MAGI1: variants seen among roughly 807,000 people sequenced by gnomAD.
MAGI1 encodes membrane-associated guanylate kinase, WW and PDZ domain-containing protein 1.
MAGI1 carries 58 observed loss-of-function variants against 139.9 expected under a neutral mutation model. The observed-to-expected ratio is 0.41, with a 90% confidence interval of 0.34 to 0.52. The LOEUF (loss-of-function observed/expected upper bound fraction) is 0.52. Among genes scored for constraint, MAGI1 ranks in the 20% least tolerant of loss-of-function variants. The pLI, the probability that MAGI1 is intolerant of heterozygous loss-of-function variation, is 0.12. For missense variants in MAGI1, 1,874 were observed against 1,901.6 expected (o/e 0.99, Z 0.27); for synonymous variants, 812 against 737.9 (o/e 1.10, Z -1.63).
At chr3:65,359,393 A>C in intron 22 of MAGI1, 1 of 1,281,112 alleles carries the variant, frequency 7.8e-7, no homozygotes. Flanking sequence ...GTGACTCGAG[A>C]ACCCAGACAA....
chr3:65,724,910 G>A (rs2033434791), intron 1 of MAGI1, among the ~76,000 whole-genome samples: 1 of 151,998 alleles, frequency 6.6e-6, no homozygotes, highest in South Asian at 2.1e-4. Context: ...CTCCCACTGG[G>A]TCCCTCCCAC....
chr3:65,469,983 T>A (rs559345864), intron 5 of MAGI1: 1 of 148,662 alleles, frequency 6.7e-6, no homozygotes, highest in African/African-American at 2.4e-5. Flanking sequence ...TAAAAATATA[T>A]TTATTTTTAA....
intron 2 of MAGI1, among the ~76,000 whole-genome samples, chr3:65,536,353 A>G (rs1024293893): frequency 2.0e-5 from 3 of 152,198 alleles, no homozygotes; most frequent in Non-Finnish European, 4.4e-5. Context: ...TATGAATGAA[A>G]ATAAAAAGTG....
intron 1 of MAGI1, among the ~76,000 whole-genome samples, chr3:66,019,149 G>A (rs1292395947): frequency 2.0e-5 from 3 of 152,176 alleles, no homozygotes; most frequent in African/African-American, 7.2e-5. Context: ...ATAATAGGCA[G>A]GCTAACTTCA....
At chr3:65,843,457 A>C (rs976508568) in intron 1 of MAGI1, among the ~76,000 whole-genome samples, 2 of 152,202 alleles carry the variant, frequency 1.3e-5, no homozygotes, top group African/African-American at 2.4e-5. Context: ...AGAAACAAGG[A>C]AATGCTCAAT....
chr3:65,567,149 G>A (rs985252853), intron 2 of MAGI1, among the ~76,000 whole-genome samples: 1 of 152,134 alleles, frequency 6.6e-6, no homozygotes, highest in Non-Finnish European at 1.5e-5. Context: ...CACTCATAAT[G>A]TTAAGACCTC....
At chr3:65,861,108 G>T (rs1420083343) in intron 1 of MAGI1, among the ~76,000 whole-genome samples, 1 of 152,104 alleles carries the variant, frequency 6.6e-6, no homozygotes, top group African/African-American at 2.4e-5. Context: ...TGGGGCCAGG[G>T]ACACACTCAA....
intron 1 of MAGI1, among the ~76,000 whole-genome samples, chr3:65,670,479 G>T (rs958089574): frequency 4.6e-5 from 7 of 151,580 alleles, no homozygotes; most frequent in Non-Finnish European, 7.4e-5. Flanking sequence ...AAATTTAGAG[G>T]TTGCTCTCAA....
intron 2 of MAGI1, among the ~76,000 whole-genome samples, chr3:65,543,819 T>C (rs2079368636): frequency 6.6e-6 from 1 of 151,878 alleles, no homozygotes; most frequent in Non-Finnish European, 1.5e-5. Context: ...GGTTGATGGG[T>C]GCAGCAAACC....
chr3:65,430,125 C>CT lies in MAGI1; in HGVS notation c.1561dup (p.Ser521LysfsTer4). 6.2e-7 allele frequency: 1 copy of CT among 1,612,748 alleles called. No individual in the cohort carries two copies. The highest frequency in any genetic ancestry group is 8.5e-7 in the Non-Finnish European group (1 of 1,178,960). On this transcript the variant is annotated frameshift_variant, in exon 12 of 23. Coordinates refer to ENST00000402939, the MANE Select transcript of MAGI1 (RefSeq NM_001033057.2). LOFTEE classifies it high-confidence loss of function. ...TCCCAAAACACAGGTGTCATTCACA[C>CT]TTACAATCACATCCCCTGTAGAAGG... is the stretch of plus-strand genomic sequence containing the variant.
rs572007195 is a variant in MAGI1, at chr3:65,475,018, A to C, written c.757+3574T>G. ...GCTCTTATAGAAATGATTATCTCTT[A>C]ACTTTCCAAAGCAATGCTTTATCAC... On this transcript the variant is annotated intron_variant, in intron 4 of 22. Transcript: ENST00000402939. Among the ~76,000 whole-genome samples the C allele has an allele frequency of 2.6e-5, 4 of 152,270 alleles. No homozygotes were observed. The East Asian group carries it at 5.8e-4, about 22-fold the overall frequency.
chr3:65,762,455 G>A (rs964265464), intron 1 of MAGI1, among the ~76,000 whole-genome samples: 5 of 151,010 alleles, frequency 3.3e-5, no homozygotes, highest in Non-Finnish European at 5.9e-5. Context: ...ATGGGAAGGC[G>A]GAAAAAAAAA....
intron 1 of MAGI1, among the ~76,000 whole-genome samples, chr3:65,962,192 C>G (rs1160002993): frequency 6.7e-6 from 1 of 149,852 alleles, no homozygotes; most frequent in African/African-American, 2.5e-5. Flanking sequence ...GTGCGATCTC[C>G]GTTCACTGCA....
intron 1 of MAGI1, among the ~76,000 whole-genome samples, chr3:65,823,137 T>A (rs1368733001): frequency 6.6e-6 from 1 of 152,212 alleles, no homozygotes; most frequent in Non-Finnish European, 1.5e-5. Flanking sequence ...AAAATACCCC[T>A]CTTAGATGTA....
chr3:65,465,681 A>G (rs1429804612), intron 5 of MAGI1, among the ~76,000 whole-genome samples: 1 of 152,162 alleles, frequency 6.6e-6, no homozygotes, highest in African/African-American at 2.4e-5. Context: ...TTAGTTTTCA[A>G]AAATTTGACT....
chr3:65,689,672 C>G (rs900706455), intron 1 of MAGI1, among the ~76,000 whole-genome samples: 1 of 152,164 alleles, frequency 6.6e-6, no homozygotes, highest in Non-Finnish European at 1.5e-5. Context: ...TTGGAATCCT[C>G]CCTCTCAACT....
At chr3:66,003,811 C>G (rs66536367) in intron 1 of MAGI1, 81,786 of 151,734 alleles carry the variant, frequency 0.54, 22,663 homozygotes, top group East Asian at 0.71. Flanking sequence ...CTGTGTAGAG[C>G]AAATTCTCAC....
At chr3:65,675,102 T>C (rs1345723948) in intron 1 of MAGI1, among the ~76,000 whole-genome samples, 1 of 152,048 alleles carries the variant, frequency 6.6e-6, no homozygotes, top group African/African-American at 2.4e-5. Context: ...CTCTCTGATC[T>C]CCCCAACAAA....
At chr3:65,837,567 C>T (rs999392596) in intron 1 of MAGI1, among the ~76,000 whole-genome samples, 1 of 152,208 alleles carries the variant, frequency 6.6e-6, no homozygotes, top group Admixed American at 6.5e-5. Context: ...CCCCACCCAG[C>T]TGCTTACCCA....
Sources: gnomAD v4.1 joint callset for allele counts (sites outside exome capture counted in the v4.1 genomes callset) on GRCh38, gnomAD v4.1.1 for gene constraint, MANE v1.5 for transcripts, NCBI Gene and HGNC (gene_info 2026-07-23, HGNC 2026-07-21) for gene names.